USO1: variants seen among roughly 807,000 people sequenced by gnomAD.
USO1 encodes the protein general vesicular transport factor p115.
Under a neutral mutation model 124.5 loss-of-function variants are expected in USO1, and 57 were observed. The observed-to-expected ratio is 0.46, with a 90% CI of 0.37 to 0.57. The LOEUF is 0.57. Among genes scored for constraint, USO1 ranks in the 20% least tolerant of loss-of-function variants. The probability of loss-of-function intolerance (pLI) is 0.00; values close to 1 mark genes in which losing one functional copy is unlikely to be tolerated. For missense variants in USO1, 900 were observed against 1,040.6 expected (o/e 0.86, Z 1.86); for synonymous variants, 369 against 362.8 (o/e 1.02, Z -0.19).
intron 1 of USO1, among the ~76,000 whole-genome samples, chr4:75,725,532 A>G (rs1322136564): frequency 1.3e-5 from 2 of 151,876 alleles, no homozygotes; most frequent in Non-Finnish European, 2.9e-5. Flanking sequence ...TGAACGTAGT[A>G]GGGATCTTAA....
chr4:75,741,601 C>CTTTTTTT (rs34702586), intron 1 of USO1, among the ~76,000 whole-genome samples: 1 of 78,854 alleles, frequency 1.3e-5, no homozygotes, highest in Non-Finnish European at 2.2e-5. Flanking sequence ...ACTTTTTAAA[C>CTTTTTTT]TTTTTTTTTT....
Position 75,767,469 on chromosome 4 carries a change from G to T in USO1, c.296-2970G>T, listed in dbSNP as rs747769033. 1.3e-4 allele frequency: 57 copies of T among 445,846 alleles called. 1 individual carries two copies. The highest frequency in any genetic ancestry group is 9.0e-4 in the South Asian group (57 of 63,668). The allele number at this position is 445,846 out of a possible 1,614,324, so 27.6% of individuals were successfully genotyped here. ...TTAAAAGTTTGTAACTCTTGGCCGG[G>T]CATGGTGGCTCACGCCTGTAATCCC... On this transcript the variant is annotated intron_variant, in intron 4 of 23. Transcript: ENST00000514213.
chr4:75,774,976 C>T (rs902223179), intron 8 of USO1, among the ~76,000 whole-genome samples, 180 bp downstream of exon 8: 1 of 152,154 alleles, frequency 6.6e-6, no homozygotes, highest in Non-Finnish European at 1.5e-5. Context: ...TAGGCTTTTA[C>T]AATCTAGGTT....
intron 5 of USO1, 48 bp downstream of exon 5, chr4:75,770,587 G>A (rs1721900168): frequency 2.0e-6 from 3 of 1,523,560 alleles, no homozygotes; most frequent in Non-Finnish European, 2.6e-6. Flanking sequence ...AGCTGCTTTT[G>A]TTGCCTTTTG....
At chr4:75,793,100 A>G (rs1422129600) in intron 12 of USO1, among the ~76,000 whole-genome samples, 1 of 151,958 alleles carries the variant, frequency 6.6e-6, no homozygotes, top group Non-Finnish European at 1.5e-5. Context: ...GTATGGCTGA[A>G]TAGTACTCCA....
intron 3 of USO1, chr4:75,755,502 A>C (rs1472400653): frequency 3.8e-6 from 2 of 519,844 alleles, no homozygotes; most frequent in South Asian, 2.8e-5. Flanking sequence ...AAGCTTTTTA[A>C]AGATCTGTGT....
intron 1 of USO1, among the ~76,000 whole-genome samples, chr4:75,731,332 C>T (rs926249340): frequency 4.6e-5 from 7 of 152,108 alleles, no homozygotes; most frequent in Non-Finnish European, 7.4e-5. Context: ...TAGGCTGAGG[C>T]GGGTGGATCA....
chr4:75,727,653 A>C (rs1042457087), intron 1 of USO1, among the ~76,000 whole-genome samples: 2 of 152,162 alleles, frequency 1.3e-5, no homozygotes, highest in Non-Finnish European at 2.9e-5. Context: ...AGGATATTTG[A>C]GTTACCAGAG....
Position 75,724,891 on chromosome 4 carries a change from A to AGGAGC in USO1, c.66+7_66+11dup. On this transcript the variant is annotated splice_region_variant and intron_variant, in intron 1 of 23. Coordinates refer to ENST00000514213, the MANE Select transcript of USO1 (RefSeq NM_003715.4). The stretch of plus-strand genomic sequence containing the variant: ...AGCACACAGAAGCCGAGACGGTGAG[A>AGGAGC]GGAGCAGCGGGTCTGGGACTTGGGA... 6.2e-7 allele frequency: 1 copy of AGGAGC among 1,612,700 alleles called. No individual in the cohort carries two copies.
intron 4 of USO1, among the ~76,000 whole-genome samples, chr4:75,768,987 C>T (rs957927979): frequency 1.3e-5 from 2 of 152,214 alleles, no homozygotes; most frequent in Non-Finnish European, 2.9e-5. Context: ...GCTTGCTTCT[C>T]CCACAGTGTT....
chr4:75,789,860 T>C (rs1323393071), intron 10 of USO1, among the ~76,000 whole-genome samples: 1 of 152,058 alleles, frequency 6.6e-6, no homozygotes, highest in Non-Finnish European at 1.5e-5. Context: ...TGTTATTTTA[T>C]TGGAGACCCA....
At chr4:75,805,908 A>G (rs1403633187) in intron 19 of USO1, among the ~76,000 whole-genome samples, 2 of 152,144 alleles carry the variant, frequency 1.3e-5, no homozygotes, top group African/African-American at 4.8e-5. Flanking sequence ...AAATTATTTA[A>G]TAAATGTTTG....
chr4:75,785,881 G>A (rs1722348070), intron 9 of USO1, among the ~76,000 whole-genome samples: 1 of 152,090 alleles, frequency 6.6e-6, no homozygotes, highest in Non-Finnish European at 1.5e-5. Flanking sequence ...AAGGATAGGA[G>A]GGAAATAAAT....
At chr4:75,732,392 C>T (rs1377802768) in intron 1 of USO1, among the ~76,000 whole-genome samples, 1 of 152,126 alleles carries the variant, frequency 6.6e-6, no homozygotes, top group African/African-American at 2.4e-5. Context: ...ACTGCATTTT[C>T]TTTATCCAGT....
At chr4:75,762,010 G>A (rs955495474) in intron 4 of USO1, among the ~76,000 whole-genome samples, 2 of 152,046 alleles carry the variant, frequency 1.3e-5, no homozygotes, top group African/African-American at 4.8e-5. Context: ...ACTGTAGAGA[G>A]CTTTAAAATT....
At chr4:75,812,862 G>A (rs1723188559) in intron 23 of USO1, among the ~76,000 whole-genome samples, 1 of 152,100 alleles carries the variant, frequency 6.6e-6, no homozygotes, top group African/African-American at 2.4e-5. Context: ...TGTAATCCTA[G>A]CACTTTGGGG....
intron 3 of USO1, chr4:75,755,548 A>G (rs977479675): frequency 7.8e-6 from 4 of 513,010 alleles, no homozygotes; most frequent in Non-Finnish European, 1.6e-5. Flanking sequence ...GTTTTCAGTT[A>G]TATTTCAGTT....
intron 1 of USO1, among the ~76,000 whole-genome samples, chr4:75,730,197 T>C (rs1720589508): frequency 6.6e-6 from 1 of 152,200 alleles, no homozygotes; most frequent in South Asian, 2.1e-4. Context: ...TTTTGTAGAT[T>C]ATATAGGGTT....
intron 21 of USO1, among the ~76,000 whole-genome samples, chr4:75,809,377 C>A (rs1300426813): frequency 6.6e-6 from 1 of 152,190 alleles, no homozygotes; most frequent in African/African-American, 2.4e-5. Flanking sequence ...CATTCCTTCT[C>A]ATACTTTTGC....
Sources: gnomAD v4.1 joint callset for allele counts (sites outside exome capture counted in the v4.1 genomes callset) on GRCh38, gnomAD v4.1.1 for gene constraint, MANE v1.5 for transcripts, NCBI Gene and HGNC (gene_info 2026-07-23, HGNC 2026-07-21) for gene names.